OPN3: variants seen among roughly 807,000 people sequenced by gnomAD.
The protein encoded by OPN3 is opsin-3.
In OPN3, 29 loss-of-function variants were observed where a neutral mutation model predicts 33.8. The ratio of observed to expected loss-of-function variants is 0.86; its 90% CI spans 0.64 to 1.17. OPN3 has a LOEUF of 1.17. Among genes scored for constraint, OPN3 ranks in the 50% most tolerant of loss-of-function variants. The pLI is 0.00. For missense variants in OPN3, 437 were observed against 514.1 expected (o/e 0.85, Z 1.45); for synonymous variants, 216 against 216.1 (o/e 1.00, Z 0.00).
chr1:241,630,850 G>A (rs1664605156), intron 1 of OPN3: 1 of 152,042 alleles, frequency 6.6e-6, no homozygotes, highest in Admixed American at 6.6e-5. Context: ...TTCTTTTGAT[G>A]CTGATTTAAT....
At chr1:241,605,563 G>A (rs1324126926) in intron 1 of OPN3, among the ~76,000 whole-genome samples, 1 of 152,250 alleles carries the variant, frequency 6.6e-6, no homozygotes, top group African/African-American at 2.4e-5. Context: ...CAGGCACTGT[G>A]CAGTGGATGG....
intron 1 of OPN3, chr1:241,634,999 A>G (rs1664824420): frequency 3.7e-6 from 6 of 1,613,684 alleles, no homozygotes; most frequent in Non-Finnish European, 5.1e-6. Flanking sequence ...TAAATTCTAC[A>G]TAACGACTAA....
chr1:241,596,861 G>A (rs974127805), intron 3 of OPN3, among the ~76,000 whole-genome samples: 1 of 152,208 alleles, frequency 6.6e-6, no homozygotes, highest in Non-Finnish European at 1.5e-5. Flanking sequence ...GTCTCGCTCT[G>A]TCGCCCAGGC....
chr1:241,594,141 A>G lies in OPN3; in HGVS notation c.*287T>C. Reference sequence around the variant, plus strand: ...TGGAAAATAGAGTAATTTAAAAAATATATTTGAAATGAAAATCTCCAACAC... The same window carrying G: ...TGGAAAATAGAGTAATTTAAAAAATGTATTTGAAATGAAAATCTCCAACAC... On this transcript the variant is annotated 3_prime_UTR_variant, in exon 4 of 4. Transcript: ENST00000366554. 3.0e-6 allele frequency: 1 copy of G among 331,734 alleles called. No individual in the cohort carries two copies. 20.5% of individuals were successfully genotyped at this position (331,734 alleles called of 1,614,324 possible). A position where few individuals can be genotyped will look rare whatever the true frequency, so the allele number is the denominator to read the frequency against.
intron 1 of OPN3, among the ~76,000 whole-genome samples, chr1:241,620,320 AC>A (rs1400365330): frequency 6.6e-6 from 1 of 152,216 alleles, no homozygotes; most frequent in Non-Finnish European, 1.5e-5. Flanking sequence ...ATTTTATTTT[AC>A]CCAACTGGTA....
chr1:241,622,551 G>A (rs946331115), intron 1 of OPN3, among the ~76,000 whole-genome samples: 3 of 152,164 alleles, frequency 2.0e-5, no homozygotes, highest in African/African-American at 7.2e-5. Context: ...GGCCCAGAAT[G>A]CAGGAGTGCT....
intron 1 of OPN3, among the ~76,000 whole-genome samples, chr1:241,626,657 C>T (rs899787239): frequency 6.6e-6 from 1 of 152,096 alleles, no homozygotes; most frequent in Non-Finnish European, 1.5e-5. Flanking sequence ...TAAAATACTG[C>T]AATGGTTACA....
chr1:241,617,971 T>C (rs1486937474), intron 1 of OPN3, among the ~76,000 whole-genome samples: 1 of 151,666 alleles, frequency 6.6e-6, no homozygotes, highest in Non-Finnish European at 1.5e-5. Flanking sequence ...GTCTTAGTCA[T>C]CCTGATCTGA....
At chr1:241,638,062 C>G (rs1487365220) in intron 1 of OPN3, among the ~76,000 whole-genome samples, 1 of 152,178 alleles carries the variant, frequency 6.6e-6, no homozygotes, top group Non-Finnish European at 1.5e-5. Context: ...ACTTTTTAAA[C>G]TCTATAGTAA....
chr1:241,634,943 T>C, intron 1 of OPN3: 1 of 1,613,490 alleles, frequency 6.2e-7, no homozygotes, highest in Non-Finnish European at 8.5e-7. Context: ...ACAAGGAACT[T>C]GTTCTACCTT....
Position 241,634,523 on chromosome 1 carries a change from G to A in OPN3, c.373+5359C>T, listed in dbSNP as rs376791831. Reference sequence around the variant, plus strand: ...ATCTATAATTGCTTTACATCGTCCAGATTCTTTGTCGACTACAAAGCATTG... The same window carrying A: ...ATCTATAATTGCTTTACATCGTCCAAATTCTTTGTCGACTACAAAGCATTG... On this transcript the variant is annotated intron_variant, in intron 1 of 3. Transcript: ENST00000366554. 1.2e-6 allele frequency: 2 copies of A among 1,613,898 alleles called. No homozygotes were observed. The highest frequency in any genetic ancestry group is 1.7e-5 in the Admixed American group (1 of 60,004).
chr1:241,607,599 A>C (rs10802972), intron 1 of OPN3, among the ~76,000 whole-genome samples: 32,570 of 149,634 alleles, frequency 0.22, 3,866 homozygotes, highest in South Asian at 0.27. Context: ...AAAGGAAGAA[A>C]GAGAGAAAGG....
At chr1:241,618,613 C>T (rs1280239011) in intron 1 of OPN3, among the ~76,000 whole-genome samples, 1 of 152,216 alleles carries the variant, frequency 6.6e-6, no homozygotes, top group Non-Finnish European at 1.5e-5. Flanking sequence ...GGCCCTCTCT[C>T]CTGTCTCTGA....
chr1:241,629,669 C>T (rs1664542622), intron 1 of OPN3: 2 of 152,178 alleles, frequency 1.3e-5, no homozygotes, highest in Admixed American at 1.3e-4. Context: ...CTTTATACCA[C>T]TATTGGTGTG....
At chr1:241,611,933 A>G (rs1043207384) in intron 1 of OPN3, among the ~76,000 whole-genome samples, 6 of 152,184 alleles carry the variant, frequency 3.9e-5, no homozygotes, top group African/African-American at 1.4e-4. Context: ...AAGGAATGAA[A>G]CTGATGCAGT....
At chr1:241,608,713 C>T (rs1014270281) in intron 1 of OPN3, among the ~76,000 whole-genome samples, 27 of 152,200 alleles carry the variant, frequency 1.8e-4, no homozygotes, top group Admixed American at 1.3e-3. Context: ...TTACTAATAT[C>T]GTTTTTGATC....
rs148814726 is a variant in OPN3 at position 241,640,041 on chromosome 1, G to A, written c.214C>T (p.Leu72Phe). The change falls in exon 1 of 4, where the codon CTC becomes TTC. Residue 72 changes from leucine to phenylalanine, a missense_variant. By Grantham distance (22) the Leu-to-Phe change is conservative. Transcript: ENST00000366554. Reference sequence around the variant, plus strand: ...AGGAGGAGGTGAGTGGGAGTGCGGAGCCGCTGGAACTTGTAGTAGAGGACG... The same window carrying A: ...AGGAGGAGGTGAGTGGGAGTGCGGAACCGCTGGAACTTGTAGTAGAGGACG... ...VLVLYYKFQR[L>F]RTPTHLLLVN... The A allele has an allele frequency of 5.6e-6, 9 of 1,613,126 alleles. No homozygotes were observed. The African/African-American group carries it at 1.1e-4, about 19-fold the overall frequency.
chr1:241,625,747 T>A (rs1407871924), intron 1 of OPN3, among the ~76,000 whole-genome samples: 1 of 152,086 alleles, frequency 6.6e-6, no homozygotes, highest in Non-Finnish European at 1.5e-5. Context: ...CTGATAGGGG[T>A]CAGAAAACCT....
chr1:241,630,887 T>C (rs989803593), intron 1 of OPN3: 1 of 152,114 alleles, frequency 6.6e-6, no homozygotes, highest in Non-Finnish European at 1.5e-5. Context: ...ACCAGCCTTA[T>C]AATCCTGAGT....
Sources: gnomAD v4.1 joint callset for allele counts (sites outside exome capture counted in the v4.1 genomes callset) on GRCh38, gnomAD v4.1.1 for gene constraint, MANE v1.5 for transcripts, NCBI Gene and HGNC (gene_info 2026-07-23, HGNC 2026-07-21) for gene names.